Variants in IDO2 observed in about 807,000 individuals in gnomAD.
The protein encoded by IDO2 is indoleamine 2,3-dioxygenase-like 1 protein.
A neutral mutation model predicts 45.1 loss-of-function variants in IDO2; 46 were observed. The ratio of observed to expected loss-of-function variants is 1.02; its 90% CI spans 0.80 to 1.30. The LOEUF is 1.30. Ranked by LOEUF, IDO2 falls within the 50% of genes most tolerant of loss-of-function variation. IDO2 has a pLI of 0.00. For missense variants in IDO2, 544 were observed against 491.8 expected, an observed-to-expected ratio of 1.11 and a Z score of -1.00; for synonymous variants, 218 against 184.9, an observed-to-expected ratio of 1.18 and a Z score of -1.45.
chr8:39,964,718 G>C (rs1290778645), intron 3 of IDO2, among the ~76,000 whole-genome samples: 1 of 152,146 alleles, frequency 6.6e-6, no homozygotes, highest in East Asian at 1.9e-4. Flanking sequence ...TTGCCTGATA[G>C]ATAAAATGTT....
exon 11 of IDO2, chr8:40,015,714 A>G (rs1585425018): frequency 1.3e-6 from 1 of 765,648 alleles, no homozygotes; most frequent in East Asian, 2.5e-5. Context: ...AGCCCTATTC[A>G]TGTTTCTGCT....
At chr8:39,939,242 C>CAA (rs57921420) in intron 1 of IDO2, among the ~76,000 whole-genome samples, 2,380 of 117,286 alleles carry the variant, frequency 0.02, 57 homozygotes, top group Non-Finnish European at 0.03. Context: ...GACTCCATCT[C>CAA]AAAAAAAAAA....
intron 7 of IDO2, among the ~76,000 whole-genome samples, chr8:39,988,493 G>A (rs917921419): frequency 2.6e-5 from 4 of 152,162 alleles, no homozygotes; most frequent in Non-Finnish European, 4.4e-5. Flanking sequence ...GTGCAATGGC[G>A]TGGTTTTAGC....
At chr8:39,959,951 A>C (rs2543041) in intron 2 of IDO2, among the ~76,000 whole-genome samples, 120,034 of 151,950 alleles carry the variant, frequency 0.79, 48,594 homozygotes, top group Non-Finnish European at 0.87. Flanking sequence ...TGCACTTTAG[A>C]CTGAGCGATA....
intron 2 of IDO2, among the ~76,000 whole-genome samples, chr8:39,961,382 G>A (rs986439194): frequency 2.1e-4 from 29 of 139,564 alleles, no homozygotes; most frequent in African/African-American, 7.3e-4. Flanking sequence ...GAGTGCAGTG[G>A]TACGATCTTG....
chr8:39,998,726 T>A (rs1802089442), intron 8 of IDO2, among the ~76,000 whole-genome samples: 2 of 149,604 alleles, frequency 1.3e-5, no homozygotes, highest in Admixed American at 1.4e-4. Flanking sequence ...CTACAACCTG[T>A]GCCTCCCCGG....
chr8:39,985,442 A>C lies in IDO2; in HGVS notation c.435-66A>C. ...TAGAAGTTATTAATATATCTGGTTT[A>C]CAAACTGAATTGTTCTTTTATTTTT... On this transcript the variant is annotated intron_variant, in intron 5 of 10. Transcript: ENST00000502986. 3 of 1,394,518 alleles carry C rather than the reference A, an allele frequency of 2.2e-6. No homozygotes were observed. In the South Asian group the frequency reaches 3.7e-5, roughly 17 times the overall value. The allele number at this position is 1,394,518 out of a possible 1,614,324, so 86.4% of individuals were successfully genotyped here. A position where few individuals can be genotyped will look rare whatever the true frequency, so the allele number is the denominator to read the frequency against.
intron 2 of IDO2, among the ~76,000 whole-genome samples, chr8:39,949,719 T>TC (rs1250783078): frequency 6.6e-6 from 1 of 152,102 alleles, no homozygotes; most frequent in African/African-American, 2.4e-5. Flanking sequence ...GTAATGCAGA[T>TC]CCCCCCAGGA....
chr8:39,986,719 C>T (rs989081026), intron 6 of IDO2, among the ~76,000 whole-genome samples: 16 of 121,862 alleles, frequency 1.3e-4, no homozygotes, highest in South Asian at 5.2e-4. Context: ...GATAGATAGA[C>T]GGAATTTGGC....
At chr8:40,015,665 G>A (rs1046004626) in exon 11 of IDO2, 1 of 1,232,358 alleles carries the variant, frequency 8.1e-7, no homozygotes, top group African/African-American at 1.5e-5. Context: ...TGGAGAATGA[G>A]GGTCAGGGTT....
At chr8:40,010,435 C>G (rs77547465) in intron 9 of IDO2, among the ~76,000 whole-genome samples, 2,927 of 152,250 alleles carry the variant, frequency 0.019, 94 homozygotes, top group African/African-American at 0.066. Flanking sequence ...AGATGGACAA[C>G]ACGGACACGT....
chr8:40,011,360 A>G (rs929547807), intron 9 of IDO2, among the ~76,000 whole-genome samples: 3 of 152,360 alleles, frequency 2.0e-5, no homozygotes, highest in Non-Finnish European at 2.9e-5. Context: ...CCAAATGACT[A>G]CATAAGACCA....
chr8:39,952,990 ACTCCCAAC>A (rs61351098), intron 2 of IDO2, among the ~76,000 whole-genome samples: 27,639 of 151,670 alleles, frequency 0.18, 2,884 homozygotes, highest in South Asian at 0.32. Flanking sequence ...CTGGTCTCAA[ACTCCCAAC>A]CTCAGGTGAT....
chr8:39,986,870 T>TTATTATTATTAA (rs1808433977), intron 6 of IDO2: 1 of 149,570 alleles, frequency 6.7e-6, no homozygotes, highest in African/African-American at 2.5e-5. Context: ...TATCTCATTA[T>TTATTATTATTAA]TATTATTATT....
exon 6 of IDO2, chr8:39,985,518 A>G (rs1307641909): frequency 6.4e-7 from 1 of 1,565,240 alleles, no homozygotes; most frequent in South Asian, 1.2e-5. Flanking sequence ...ATTCCTGGAA[A>G]TTGGGTAAGT....
intron 1 of IDO2, among the ~76,000 whole-genome samples, chr8:39,936,390 CAT>C (rs1807551608): frequency 6.6e-6 from 1 of 152,186 alleles, no homozygotes; most frequent in African/African-American, 2.4e-5. Context: ...GTAGCTTAAA[CAT>C]GTGTTCCACT....
chr8:39,985,271 T>C, intron 5 of IDO2: 1 of 548,108 alleles, frequency 1.8e-6, no homozygotes, highest in Non-Finnish European at 3.2e-6. Flanking sequence ...ATTCTGGGGC[T>C]GGAATGTGAG....
At chr8:40,015,167 A>G in intron 10 of IDO2, 80 bp from the exon 11 acceptor site, 1 of 829,364 alleles carries the variant, frequency 1.2e-6, no homozygotes, top group Non-Finnish European at 1.9e-6. Context: ...GAAAAAAAAA[A>G]TAAAAAAGAA....
At chr8:39,962,212 G>A (rs929302281) in intron 2 of IDO2, among the ~76,000 whole-genome samples, 22 of 152,172 alleles carry the variant, frequency 1.4e-4, no homozygotes, top group African/African-American at 5.3e-4. Context: ...TATTGGGCTA[G>A]TGATTTTCTT....
Sources: allele counts gnomAD v4.1 joint callset (sites outside exome capture counted in the v4.1 genomes callset), GRCh38; gene constraint gnomAD v4.1.1; transcripts MANE v1.5; gene names NCBI Gene and HGNC (gene_info 2026-07-23, HGNC 2026-07-21).